Variants in SYCP1 observed in about 807,000 individuals in gnomAD.
SYCP1 encodes synaptonemal complex protein 1.
Under a neutral mutation model 153.1 loss-of-function variants are expected in SYCP1, and 64 were observed. The ratio of observed to expected loss-of-function variants is 0.42; its 90% CI spans 0.34 to 0.51. The LOEUF (loss-of-function observed/expected upper bound fraction) is 0.51, where lower values mean the gene tolerates loss of function less well. Among genes scored for constraint, SYCP1 ranks in the 20% least tolerant of loss-of-function variants. The probability of loss-of-function intolerance (pLI) is 0.06; values close to 1 mark genes in which losing one functional copy is unlikely to be tolerated. For missense variants in SYCP1, 997 were observed against 1,049.0 expected (o/e 0.95, Z 0.68); for synonymous variants, 384 against 341.8 (o/e 1.12, Z -1.36).
chr1:114,914,406 T>TA (rs1491248988), intron 20 of SYCP1, among the ~76,000 whole-genome samples: 1 of 141,828 alleles, frequency 7.1e-6, no homozygotes, highest in African/African-American at 2.9e-5. Flanking sequence ...CCACTCTATA[T>TA]TTTTTTTTTT....
chr1:114,903,153 C>A (rs924797272), intron 16 of SYCP1, among the ~76,000 whole-genome samples: 2 of 152,174 alleles, frequency 1.3e-5, no homozygotes, highest in African/African-American at 4.8e-5. Context: ...GCACTCCAGC[C>A]TGGGCAACAG....
At chr1:114,872,127 C>T (rs1311720590) in intron 8 of SYCP1, among the ~76,000 whole-genome samples, 1 of 151,478 alleles carries the variant, frequency 6.6e-6, no homozygotes, top group Non-Finnish European at 1.5e-5. Context: ...CAGGTGTGAG[C>T]CACTGAGACC....
chr1:114,985,453 T>G (rs1673437070), intron 30 of SYCP1, among the ~76,000 whole-genome samples: 1 of 151,950 alleles, frequency 6.6e-6, no homozygotes, highest in Non-Finnish European at 1.5e-5. Context: ...AATGGTTTAT[T>G]GAGAATAATG....
intron 27 of SYCP1, among the ~76,000 whole-genome samples, chr1:114,959,659 G>A (rs1256862752): frequency 6.6e-6 from 1 of 151,902 alleles, no homozygotes; most frequent in Admixed American, 6.6e-5. Flanking sequence ...GCTATCAAAT[G>A]CTATATCTTA....
At chr1:114,961,962 G>A (rs544897782) in intron 27 of SYCP1, among the ~76,000 whole-genome samples, 25 of 147,570 alleles carry the variant, frequency 1.7e-4, no homozygotes, top group Admixed American at 4.7e-4. Context: ...ACTATTATTT[G>A]TGTTGCCATC....
At chr1:114,902,109 C>T (rs1476613910) in intron 16 of SYCP1, among the ~76,000 whole-genome samples, 1 of 145,798 alleles carries the variant, frequency 6.9e-6, no homozygotes, top group African/African-American at 2.5e-5. Flanking sequence ...GAGGGGAGGG[C>T]GGCGGGGAAC....
intron 25 of SYCP1, among the ~76,000 whole-genome samples, chr1:114,945,917 C>T (rs1670677292): frequency 1.3e-5 from 2 of 152,076 alleles, no homozygotes; most frequent in South Asian, 4.1e-4. Context: ...TCTCCTAATG[C>T]TAGTTTAAGG....
chr1:114,863,475 C>T (rs927862507), intron 8 of SYCP1, among the ~76,000 whole-genome samples: 32 of 152,142 alleles, frequency 2.1e-4, no homozygotes, highest in African/African-American at 7.7e-4. Context: ...ATCGCTTGAA[C>T]CCGGGAGGCG....
In SYCP1 at chr1:114,945,391, T is replaced by A. The variant is rs551643717; in HGVS notation, c.2154+409T>A. 5.9e-5 allele frequency among the ~76,000 whole-genome samples: 9 copies of A among 152,178 alleles called. No individual in the cohort carries two copies. In the East Asian group the frequency reaches 1.7e-3, roughly 29 times the overall value. On this transcript the variant is annotated intron_variant, in intron 25 of 31. Transcript: ENST00000369522. ...AATAGATGAAATACTTAGTGTTTGATGTGTTTTTGTCTTATATTTTTAATT... is the reference window on the plus strand; with the variant it reads ...AATAGATGAAATACTTAGTGTTTGAAGTGTTTTTGTCTTATATTTTTAATT...
In SYCP1 at chr1:114,995,271, T is replaced by A. The variant is rs1392794098; in HGVS notation, c.*252T>A. 4.9e-5 allele frequency: 13 copies of A among 265,724 alleles called. No individual in the cohort carries two copies. The highest frequency in any genetic ancestry group is 9.7e-5 in the South Asian group (1 of 10,288). 16.5% of individuals were successfully genotyped at this position (265,724 alleles called of 1,614,324 possible). On this transcript the variant is annotated 3_prime_UTR_variant, in exon 32 of 32. Transcript: ENST00000369522. ...TTCTTGTATTCATGAAAACTGTTTT[T>A]ACTAAGTTTTCAAATTTGTAAAGTT...
chr1:114,946,232 A>C, intron 25 of SYCP1, 57 bp from the exon 26 acceptor site: 2 of 773,680 alleles, frequency 2.6e-6, no homozygotes, highest in Non-Finnish European at 3.8e-6. Context: ...TTAGGATACC[A>C]ATCTTATAAT....
chr1:114,968,667 C>G (rs1160551090), intron 27 of SYCP1, among the ~76,000 whole-genome samples: 10 of 152,146 alleles, frequency 6.6e-5, no homozygotes, highest in Admixed American at 6.5e-4. Flanking sequence ...CCTTCTGAAG[C>G]CTACTTCTGT....
intron 23 of SYCP1, among the ~76,000 whole-genome samples, chr1:114,928,515 G>T (rs1471959388): frequency 3.3e-5 from 5 of 152,210 alleles, no homozygotes; most frequent in Non-Finnish European, 7.3e-5. Context: ...TCTTCAAGTT[G>T]AAGGAAAATG....
chr1:114,870,757 C>T (rs1347896882), intron 8 of SYCP1, among the ~76,000 whole-genome samples: 4 of 152,064 alleles, frequency 2.6e-5, no homozygotes, highest in Non-Finnish European at 4.4e-5. Context: ...TGTGATTTTA[C>T]ATTTAAAGTG....
intron 8 of SYCP1, among the ~76,000 whole-genome samples, chr1:114,871,158 C>T (rs1325631245): frequency 1.3e-5 from 2 of 151,844 alleles, no homozygotes; most frequent in South Asian, 2.1e-4. Context: ...TTCTTTCCTC[C>T]CATCTTTTTT....
At position 114,969,995 on chromosome 1, in the gene SYCP1, A is replaced by G. The variant is rs548481500; in HGVS notation, c.2323-7562A>G. On this transcript the variant is annotated intron_variant, in intron 27 of 31. Transcript: ENST00000369522. Reference sequence around the variant, plus strand: ...TGCACCCACTGTCTAACCAGTCCCAATGAGATGAACTGGGTATCTCAGTTG... The same window carrying G: ...TGCACCCACTGTCTAACCAGTCCCAGTGAGATGAACTGGGTATCTCAGTTG... Among the ~76,000 whole-genome samples the G allele has an allele frequency of 1.7e-4, 26 of 152,160 alleles. 1 individual carries two copies. The highest frequency in any genetic ancestry group is 5.8e-4 in the East Asian group (3 of 5,158).
chr1:114,948,655 CCT>C (rs1670904535), intron 27 of SYCP1, among the ~76,000 whole-genome samples: 1 of 152,108 alleles, frequency 6.6e-6, no homozygotes, highest in African/African-American at 2.4e-5. Flanking sequence ...CTCTGTGCCC[CCT>C]GTTATATTGC....
intron 27 of SYCP1, among the ~76,000 whole-genome samples, chr1:114,957,074 GT>G (rs1214568444): frequency 2.0e-5 from 3 of 147,680 alleles, no homozygotes; most frequent in Non-Finnish European, 4.5e-5. Context: ...TTGTTTGTTT[GT>G]TTTTGTAGAA....
At chr1:114,911,803 A>G (rs916770034) in intron 18 of SYCP1, among the ~76,000 whole-genome samples, 2 of 152,036 alleles carry the variant, frequency 1.3e-5, no homozygotes, top group Admixed American at 1.3e-4. Context: ...ACCACTTTAG[A>G]TCAATGTGTT....
Sources: allele counts gnomAD v4.1 joint callset (sites outside exome capture counted in the v4.1 genomes callset), GRCh38; gene constraint gnomAD v4.1.1; transcripts MANE v1.5; gene names NCBI Gene and HGNC (gene_info 2026-07-23, HGNC 2026-07-21).